The following KCNMA1 variants were observed in gnomAD, a reference collection of about 807,000 sequenced individuals.
KCNMA1 encodes the protein potassium calcium-activated channel subfamily M alpha 1.
In KCNMA1, 29 loss-of-function variants were observed where a neutral mutation model predicts 140.0. The ratio of observed to expected loss-of-function variants is 0.21; its 90% confidence interval spans 0.15 to 0.28. The LOEUF is 0.28. Ranked by LOEUF, KCNMA1 falls within the 10% of genes least tolerant of loss-of-function variation. The pLI, the probability that KCNMA1 is intolerant of heterozygous loss-of-function variation, is 1.00. For synonymous variants in KCNMA1, 612 were observed against 611.9 expected, an observed-to-expected ratio of 1.00 and a Z score of 0.00; for missense variants, 880 against 1,602.2, an observed-to-expected ratio of 0.55 and a Z score of 7.70.
chr10:77,093,207 T>G (rs981425450), intron 9 of KCNMA1, among the ~76,000 whole-genome samples: 12 of 152,140 alleles, frequency 7.9e-5, no homozygotes, highest in African/African-American at 2.7e-4. Context: ...TGGAGAGCTG[T>G]CTTTATCAAA....
chr10:77,168,681 C>G (rs771929424), intron 5 of KCNMA1, among the ~76,000 whole-genome samples: 7 of 152,024 alleles, frequency 4.6e-5, no homozygotes, highest in Non-Finnish European at 1.0e-4. Flanking sequence ...ATAACAATAA[C>G]AAGAGCAAAA....
At chr10:76,960,520 C>T (rs1383368021) in intron 20 of KCNMA1, among the ~76,000 whole-genome samples, 5 of 149,308 alleles carry the variant, frequency 3.3e-5, no homozygotes, top group African/African-American at 7.4e-5. Context: ...AGCCCAGCAA[C>T]AGGGCCAGAC....
At chr10:77,587,638 G>A (rs1025736995) in intron 1 of KCNMA1, 6 of 924,692 alleles carry the variant, frequency 6.5e-6, no homozygotes, top group Non-Finnish European at 7.7e-6. Context: ...GCCCCTGAGT[G>A]TCCGGTGCTC....
chr10:77,120,481 T>C (rs1365814973), intron 6 of KCNMA1, among the ~76,000 whole-genome samples: 1 of 152,212 alleles, frequency 6.6e-6, no homozygotes, highest in East Asian at 1.9e-4. Flanking sequence ...TGCTTTGAAA[T>C]GAAATGATTT....
chr10:77,598,693 G>C (rs1199438386), intron 1 of KCNMA1, among the ~76,000 whole-genome samples: 1 of 152,236 alleles, frequency 6.6e-6, no homozygotes, highest in African/African-American at 2.4e-5. Flanking sequence ...AACGCAAAGA[G>C]AGAGGGACCC....
At chr10:77,035,214 G>A (rs3781164) in intron 15 of KCNMA1, among the ~76,000 whole-genome samples, 14,119 of 152,236 alleles carry the variant, frequency 0.093, 770 homozygotes, top group African/African-American at 0.13. Context: ...ACCAGGTGGC[G>A]CAGCCTCCAG....
chr10:77,077,184 A>C (rs2096425362), intron 13 of KCNMA1, among the ~76,000 whole-genome samples: 1 of 152,224 alleles, frequency 6.6e-6, no homozygotes, highest in Non-Finnish European at 1.5e-5. Flanking sequence ...AACAATGATG[A>C]GTGGACGTTT....
intron 2 of KCNMA1, among the ~76,000 whole-genome samples, chr10:77,299,912 T>A (rs2076153761): frequency 6.6e-6 from 1 of 152,192 alleles, no homozygotes; most frequent in South Asian, 2.1e-4. Flanking sequence ...AGTGATTCTC[T>A]AACATGCTGT....
intron 3 of KCNMA1, chr10:77,249,544 C>A (rs1254975496): frequency 6.6e-6 from 1 of 152,206 alleles, no homozygotes; most frequent in African/African-American, 2.4e-5. Flanking sequence ...ATCTGGACTT[C>A]TAACCCATCA....
At chr10:77,626,044 C>G (rs1459005709) in intron 1 of KCNMA1, among the ~76,000 whole-genome samples, 1 of 152,000 alleles carries the variant, frequency 6.6e-6, no homozygotes, top group Non-Finnish European at 1.5e-5. Context: ...TTTACAGTAG[C>G]CATCCTAACA....
chr10:77,491,400 C>A (rs1022501402), intron 1 of KCNMA1, among the ~76,000 whole-genome samples: 3 of 152,038 alleles, frequency 2.0e-5, no homozygotes, highest in Non-Finnish European at 4.4e-5. Flanking sequence ...CCCAGTTTCC[C>A]CTCGGACAGC....
intron 5 of KCNMA1, among the ~76,000 whole-genome samples, chr10:77,151,161 T>TTTTC (rs1203950736): frequency 6.9e-6 from 1 of 144,608 alleles, no homozygotes; most frequent in Non-Finnish European, 1.5e-5. Context: ...CTTTCTTTTC[T>TTTTC]TTTCTTTCTT....
intron 9 of KCNMA1, among the ~76,000 whole-genome samples, chr10:77,099,557 A>G (rs1021145275): frequency 3.9e-5 from 6 of 152,128 alleles, no homozygotes; most frequent in African/African-American, 1.4e-4. Flanking sequence ...TCTACTAAAA[A>G]TACAAAATTA....
intron 14 of KCNMA1, among the ~76,000 whole-genome samples, chr10:77,058,094 A>G (rs2095609215): frequency 1.3e-5 from 2 of 152,066 alleles, no homozygotes; most frequent in South Asian, 4.1e-4. Context: ...CCATGAAAAC[A>G]CCAATCAAAA....
chr10:77,568,327 A>T (rs1355308765), intron 1 of KCNMA1, among the ~76,000 whole-genome samples: 3 of 152,196 alleles, frequency 2.0e-5, no homozygotes, highest in African/African-American at 4.8e-5. Context: ...TTGATGCAAA[A>T]ATCCTCAATA....
intron 3 of KCNMA1, among the ~76,000 whole-genome samples, chr10:77,191,104 G>A (rs541147718): frequency 1.2e-3 from 184 of 152,304 alleles, no homozygotes; most frequent in African/African-American, 4.2e-3. Context: ...GTGATTTGAA[G>A]CTTTCCTGGC....
intron 3 of KCNMA1, among the ~76,000 whole-genome samples, chr10:77,204,013 T>C (rs1020984661): frequency 6.6e-6 from 1 of 151,514 alleles, no homozygotes; most frequent in Admixed American, 6.6e-5. Context: ...GGAGAATCAC[T>C]TGAATCCATG....
At chr10:77,587,474 T>G (rs1262259073) in intron 1 of KCNMA1, among the ~76,000 whole-genome samples, 1 of 152,160 alleles carries the variant, frequency 6.6e-6, no homozygotes, top group Non-Finnish European at 1.5e-5. Flanking sequence ...TGCACTTCTA[T>G]GGCTTTGCAT....
intron 1 of KCNMA1, among the ~76,000 whole-genome samples, chr10:77,616,698 C>T (rs1017996754): frequency 2.1e-4 from 32 of 151,686 alleles, no homozygotes; most frequent in Middle Eastern, 3.4e-3. Flanking sequence ...CCCAGCTACT[C>T]GGGAGGCTGA....
Sources: allele counts gnomAD v4.1 joint callset (sites outside exome capture counted in the v4.1 genomes callset), GRCh38; gene constraint gnomAD v4.1.1; transcripts MANE v1.5; gene names NCBI Gene and HGNC (gene_info 2026-07-23, HGNC 2026-07-21).